The following ATP2B2 variants were observed in gnomAD, a reference collection of about 807,000 sequenced individuals.
The protein encoded by ATP2B2 is plasma membrane calcium-transporting ATPase 2.
Under a neutral mutation model 120.0 loss-of-function variants are expected in ATP2B2, and 15 were observed. The observed-to-expected ratio is 0.12, with a 90% CI of 0.08 to 0.19. ATP2B2 has a LOEUF of 0.19. Among genes scored for constraint, ATP2B2 ranks in the 10% least tolerant of loss-of-function variants. The probability of loss-of-function intolerance (pLI) is 1.00; values close to 1 mark genes in which losing one functional copy is unlikely to be tolerated. For synonymous variants in ATP2B2, 694 were observed against 700.3 expected (o/e 0.99, Z 0.14); for missense variants, 1,045 against 1,719.8 (o/e 0.61, Z 6.94).
rs539905035 is a variant in ATP2B2 at position 10,706,076 on chromosome 3, G to T, written c.-460+1839C>A. ...GTGTCTCTGAGAGTGCTTAGTAAGTGCTTGCACCTGGTAGGAGCTTGATTT... is the reference window on the plus strand; with the variant it reads ...GTGTCTCTGAGAGTGCTTAGTAAGTTCTTGCACCTGGTAGGAGCTTGATTT... On this transcript the variant is annotated intron_variant, in intron 1 of 21. Transcript: ENST00000646379. 8.4e-4 allele frequency among the ~76,000 whole-genome samples: 128 copies of T among 152,200 alleles called. 3 individuals carry two copies. Among genetic ancestry groups the T allele is most frequent in the Non-Finnish European group, 1.5e-3 (105 of 68,038 alleles).
At chr3:10,631,164 G>T (rs1330392393) in intron 1 of ATP2B2, among the ~76,000 whole-genome samples, 1 of 152,182 alleles carries the variant, frequency 6.6e-6, no homozygotes, top group African/African-American at 2.4e-5. Context: ...TGGTAACAAG[G>T]TTTAAACGAG....
At chr3:10,422,739 C>T (rs745879508) in intron 2 of ATP2B2, among the ~76,000 whole-genome samples, 59 of 152,332 alleles carry the variant, frequency 3.9e-4, no homozygotes, top group Non-Finnish European at 6.2e-4. Flanking sequence ...AGCATGTGGA[C>T]GCAATGTCCA....
intron 2 of ATP2B2, among the ~76,000 whole-genome samples, chr3:10,420,351 C>CT (rs1190241150): frequency 6.9e-6 from 1 of 145,804 alleles, no homozygotes; most frequent in Non-Finnish European, 1.5e-5. Context: ...CTCTCTGTGT[C>CT]TTGGTTTCAC....
At chr3:10,579,050 T>A (rs902575738) in intron 2 of ATP2B2, among the ~76,000 whole-genome samples, 3 of 152,158 alleles carry the variant, frequency 2.0e-5, no homozygotes, top group Non-Finnish European at 4.4e-5. Context: ...CATTGTACTG[T>A]GCAGTTTTAC....
intron 3 of ATP2B2, among the ~76,000 whole-genome samples, chr3:10,520,551 C>A (rs1053643875): frequency 6.6e-6 from 1 of 152,162 alleles, no homozygotes; most frequent in Admixed American, 6.5e-5. Flanking sequence ...CTCACTGCAA[C>A]CTCCACCTCC....
intron 2 of ATP2B2, among the ~76,000 whole-genome samples, chr3:10,423,580 C>T (rs968842771): frequency 1.9e-4 from 29 of 152,346 alleles, no homozygotes; most frequent in African/African-American, 6.5e-4. Context: ...AGGTCTTTGT[C>T]TCAGCCCTTT....
intron 1 of ATP2B2, among the ~76,000 whole-genome samples, chr3:10,624,174 C>T (rs1320624320): frequency 6.6e-6 from 1 of 152,102 alleles, no homozygotes; most frequent in East Asian, 1.9e-4. Flanking sequence ...ACCTTGAAAA[C>T]TTTTTTTGGA....
chr3:10,532,892 T>A lies in ATP2B2; in HGVS notation c.-320+1147A>T, dbSNP rs138701095. On this transcript the variant is annotated intron_variant, in intron 3 of 21. Transcript: ENST00000646379. ...GCTTGCACAGTTAGAAGCTCAGGGT[T>A]GCATGCTGGCTGCAAAGTTTCTTCT... Among the ~76,000 whole-genome samples the A allele has an allele frequency of 4.6e-5, 7 of 152,320 alleles. No individual in the cohort carries two copies. In the East Asian group the frequency reaches 1.4e-3, roughly 29 times the overall value.
chr3:10,658,195 C>T (rs1002667649), intron 1 of ATP2B2, among the ~76,000 whole-genome samples: 5 of 152,244 alleles, frequency 3.3e-5, no homozygotes, highest in Admixed American at 2.6e-4. Context: ...CACCTCTTCT[C>T]CTCCAAAGGA....
At chr3:10,467,258 A>G (rs1330839593) in intron 1 of ATP2B2, among the ~76,000 whole-genome samples, 21 of 152,188 alleles carry the variant, frequency 1.4e-4, no homozygotes. Context: ...TTGTTTTAAT[A>G]ATAAAAAACC....
intron 1 of ATP2B2, among the ~76,000 whole-genome samples, chr3:10,625,783 T>C (rs1488542803): frequency 6.6e-6 from 1 of 152,134 alleles, no homozygotes; most frequent in African/African-American, 2.4e-5. Context: ...GGGACACCTC[T>C]CCAAGGAGAA....
chr3:10,580,472 G>C (rs1258435742), intron 2 of ATP2B2, among the ~76,000 whole-genome samples: 1 of 152,176 alleles, frequency 6.6e-6, no homozygotes, highest in East Asian at 1.9e-4. Context: ...TGATTCTGTG[G>C]ATGAGGGTGG....
intron 1 of ATP2B2, among the ~76,000 whole-genome samples, chr3:10,633,639 A>G (rs2069936022): frequency 6.6e-6 from 1 of 152,354 alleles, no homozygotes; most frequent in East Asian, 1.9e-4. Flanking sequence ...AAGGGAGAAC[A>G]GTATGCAAGA....
chr3:10,449,368 C>G lies in ATP2B2; in HGVS notation c.176G>C (p.Arg59Pro). 2 of 1,614,218 alleles carry G rather than the reference C, an allele frequency of 1.2e-6. No homozygotes were observed. Among genetic ancestry groups the G allele is most frequent in the Non-Finnish European group, 1.7e-6 (2 of 1,180,034 alleles). ...TYGDTEAICRRLKTSPVEGLP... is the reference protein window; with the variant it reads ...TYGDTEAICRPLKTSPVEGLP... ...ACCTTCAACAGGTGAGGTTTTGAGG[C>G]GCCGGCAGATGGCTTCGGTGTCCCC... The change falls in exon 2 of 23, where the codon CGC becomes CCC. Residue 59 changes from arginine to proline, a missense_variant. By Grantham distance (103) the Arg-to-Pro change is moderately radical (BLOSUM62 -2). Coordinates refer to ENST00000360273, the MANE Select transcript of ATP2B2 (RefSeq NM_001001331.4).
At chr3:10,514,014 G>T (rs1186750928) in intron 3 of ATP2B2, among the ~76,000 whole-genome samples, 3 of 152,182 alleles carry the variant, frequency 2.0e-5, no homozygotes, top group African/African-American at 7.2e-5. Flanking sequence ...GGTTCTGTTT[G>T]TTCTTAGAAC....
At chr3:10,500,096 G>A (rs2066322558) in intron 1 of ATP2B2, among the ~76,000 whole-genome samples, 3 of 151,870 alleles carry the variant, frequency 2.0e-5, no homozygotes, top group South Asian at 2.1e-4. Flanking sequence ...CACCAGGCCC[G>A]GCTAACTTTT....
intron 1 of ATP2B2, among the ~76,000 whole-genome samples, chr3:10,673,108 A>C (rs1327788846): frequency 6.6e-6 from 1 of 152,182 alleles, no homozygotes; most frequent in Non-Finnish European, 1.5e-5. Flanking sequence ...TGTGAGGCTT[A>C]AGATGTGAGT....
intron 2 of ATP2B2, among the ~76,000 whole-genome samples, chr3:10,557,174 T>C (rs970481304): frequency 2.6e-5 from 4 of 152,172 alleles, no homozygotes; most frequent in African/African-American, 7.2e-5. Context: ...GAGGTAAATA[T>C]GCAGCTTGGG....
At chr3:10,633,092 G>A (rs1038555222) in intron 1 of ATP2B2, among the ~76,000 whole-genome samples, 12 of 152,248 alleles carry the variant, frequency 7.9e-5, no homozygotes, top group African/African-American at 2.9e-4. Flanking sequence ...GGGGCCCTGA[G>A]CCATGTGGGC....
Sources: gnomAD v4.1 joint callset for allele counts (sites outside exome capture counted in the v4.1 genomes callset) on GRCh38, gnomAD v4.1.1 for gene constraint, MANE v1.5 for transcripts, NCBI Gene and HGNC (gene_info 2026-07-23, HGNC 2026-07-21) for gene names.